The following SLC24A3 variants were observed in gnomAD, a reference collection of about 807,000 sequenced individuals.
SLC24A3 encodes sodium/potassium/calcium exchanger 3.
Under a neutral mutation model 75.8 loss-of-function variants are expected in SLC24A3, and 28 were observed. That is an observed-to-expected ratio of 0.37 (90% CI 0.27 to 0.51). The LOEUF (loss-of-function observed/expected upper bound fraction) is 0.51, where lower values mean the gene tolerates loss of function less well. Ranked by LOEUF, SLC24A3 falls within the 20% of genes least tolerant of loss-of-function variation. The probability of loss-of-function intolerance (pLI) is 0.94; values close to 1 mark genes in which losing one functional copy is unlikely to be tolerated. For synonymous variants in SLC24A3, 372 were observed against 334.1 expected (o/e 1.11, Z -1.24); for missense variants, 663 against 847.8 (o/e 0.78, Z 2.71).
At chr20:19,674,295 A>G (rs977265419) in intron 9 of SLC24A3, among the ~76,000 whole-genome samples, 1 of 152,250 alleles carries the variant, frequency 6.6e-6, no homozygotes, top group Non-Finnish European at 1.5e-5. Flanking sequence ...AAAAGCACAA[A>G]CATGTATTAT....
chr20:19,713,512 A>G (rs1446643520), intron 15 of SLC24A3, among the ~76,000 whole-genome samples: 4 of 152,182 alleles, frequency 2.6e-5, no homozygotes, highest in Non-Finnish European at 4.4e-5. Context: ...TGCATATTCC[A>G]AATGAGACTT....
In SLC24A3 at chr20:19,655,165, G is replaced by A. The variant is rs144426144; in HGVS notation, c.687+1029G>A. Among the ~76,000 whole-genome samples, 42 of 152,270 alleles carry A rather than the reference G, an allele frequency of 2.8e-4. No homozygotes were observed. In the East Asian group the frequency reaches 7.0e-3, roughly 25 times the overall value. ...TTCAGCTGAGGCTCTCTGCATTGCC[G>A]GCCTGACGCAGCAGCTGCTGCAGTT... is the stretch of plus-strand genomic sequence containing the variant. On this transcript the variant is annotated intron_variant, in intron 7 of 16. Coordinates refer to ENST00000328041, the MANE Select transcript of SLC24A3 (RefSeq NM_020689.4).
At chr20:19,540,034 T>G (rs983906181) in intron 3 of SLC24A3, among the ~76,000 whole-genome samples, 9 of 152,150 alleles carry the variant, frequency 5.9e-5, no homozygotes, top group Non-Finnish European at 1.0e-4. Context: ...AGACCTGTTT[T>G]GGGCAATAGG....
rs200440002 is a variant in SLC24A3, at chr20:19,409,847, G to A, written c.272-105641G>A. Among the ~76,000 whole-genome samples the A allele has an allele frequency of 4.3e-3, 623 of 146,264 alleles. 1 individual carries two copies. The highest frequency in any genetic ancestry group is 0.015 in the South Asian group (70 of 4,598). ...ATATATATAATATGTGTGTGTGTGTGTATATATATATATATATATGTATTC... is the reference window on the plus strand; with the variant it reads ...ATATATATAATATGTGTGTGTGTGTATATATATATATATATATATGTATTC... On this transcript the variant is annotated intron_variant, in intron 2 of 16. Transcript: ENST00000328041.
chr20:19,457,343 T>A (rs2122490291), intron 2 of SLC24A3, among the ~76,000 whole-genome samples: 1 of 152,262 alleles, frequency 6.6e-6, no homozygotes, highest in Middle Eastern at 3.4e-3. Flanking sequence ...ATGAAGGAAT[T>A]AGGTTGGGTC....
intron 2 of SLC24A3, among the ~76,000 whole-genome samples, chr20:19,371,276 C>T (rs1227456165): frequency 6.6e-6 from 1 of 152,194 alleles, no homozygotes; most frequent in Non-Finnish European, 1.5e-5. Flanking sequence ...CTGTCCATCA[C>T]TCATTTCAGC....
chr20:19,338,085 T>C (rs1013592769), intron 2 of SLC24A3, among the ~76,000 whole-genome samples: 2 of 152,164 alleles, frequency 1.3e-5, no homozygotes, highest in African/African-American at 2.4e-5. Context: ...GAAAAAAATG[T>C]TGTAATTATC....
chr20:19,615,469 G>A (rs766004429), intron 6 of SLC24A3, among the ~76,000 whole-genome samples: 13 of 152,172 alleles, frequency 8.5e-5, no homozygotes, highest in Non-Finnish European at 1.9e-4. Flanking sequence ...GCTTACAATG[G>A]TGACGGAAGG....
intron 2 of SLC24A3, among the ~76,000 whole-genome samples, chr20:19,354,877 A>G (rs185107288): frequency 3.3e-5 from 5 of 152,216 alleles, no homozygotes; most frequent in African/African-American, 1.2e-4. Flanking sequence ...AATGCATGCT[A>G]GGTTCTTGCC....
chr20:19,574,571 G>A (rs539058509), intron 3 of SLC24A3, among the ~76,000 whole-genome samples: 11 of 152,332 alleles, frequency 7.2e-5, no homozygotes, highest in African/African-American at 2.6e-4. Flanking sequence ...CCTTAGCCAG[G>A]ACAACTGAGG....
At chr20:19,668,053 G>A (rs1211985777) in intron 8 of SLC24A3, among the ~76,000 whole-genome samples, 1 of 151,576 alleles carries the variant, frequency 6.6e-6, no homozygotes. Context: ...CATAAGTCAT[G>A]CACAGTTGTG....
At chr20:19,390,780 G>C (rs1297375408) in intron 2 of SLC24A3, among the ~76,000 whole-genome samples, 1 of 152,180 alleles carries the variant, frequency 6.6e-6, no homozygotes, top group Non-Finnish European at 1.5e-5. Flanking sequence ...TACAGGTATT[G>C]GCCTGGTGCC....
At chr20:19,286,266 C>T (rs6045951) in intron 2 of SLC24A3, among the ~76,000 whole-genome samples, 78 of 152,276 alleles carry the variant, frequency 5.1e-4, no homozygotes, top group African/African-American at 1.8e-3. Context: ...TAAATGTGAG[C>T]TGCAGTTGAC....
chr20:19,269,119 C>T (rs777169437), intron 1 of SLC24A3, among the ~76,000 whole-genome samples: 11 of 152,156 alleles, frequency 7.2e-5, no homozygotes, highest in Non-Finnish European at 1.3e-4. Flanking sequence ...TTTAGATTTG[C>T]ATCAATAAAA....
chr20:19,690,640 C>T (rs908791845), intron 12 of SLC24A3, among the ~76,000 whole-genome samples: 1 of 152,106 alleles, frequency 6.6e-6, no homozygotes, highest in Non-Finnish European at 1.5e-5. Flanking sequence ...CAGCACATTG[C>T]GGGATTTAGG....
chr20:19,605,407 G>A (rs1410752091), intron 6 of SLC24A3, among the ~76,000 whole-genome samples: 1 of 152,082 alleles, frequency 6.6e-6, no homozygotes, highest in African/African-American at 2.4e-5. Context: ...TACGAAAGAG[G>A]TTTTTCTTTT....
At chr20:19,475,450 A>G (rs900919917) in intron 2 of SLC24A3, among the ~76,000 whole-genome samples, 11 of 152,360 alleles carry the variant, frequency 7.2e-5, no homozygotes, top group Non-Finnish European at 1.2e-4. Context: ...GATAACTGCT[A>G]TTATTTGCAG....
intron 2 of SLC24A3, among the ~76,000 whole-genome samples, chr20:19,440,922 T>C (rs1001994216): frequency 2.0e-5 from 3 of 152,050 alleles, no homozygotes; most frequent in African/African-American, 7.2e-5. Flanking sequence ...TTTCATCACA[T>C]ATGAGTGACA....
chr20:19,631,791 A>AGTGTGTGT (rs148278633), intron 6 of SLC24A3, among the ~76,000 whole-genome samples: 3,771 of 147,886 alleles, frequency 0.025, 46 homozygotes, highest in African/African-American at 0.03. Context: ...TATGAGTGAG[A>AGTGTGTGT]GTGTGTGTGT....
Sources: gnomAD v4.1 joint callset for allele counts (sites outside exome capture counted in the v4.1 genomes callset) on GRCh38, gnomAD v4.1.1 for gene constraint, MANE v1.5 for transcripts, NCBI Gene and HGNC (gene_info 2026-07-23, HGNC 2026-07-21) for gene names.